The following AHDC1 variants were observed in gnomAD, a reference collection of about 807,000 sequenced individuals.
The protein encoded by AHDC1 is transcription factor Gibbin.
In AHDC1, 7 loss-of-function variants were observed where a neutral mutation model predicts 87.9. That is an observed-to-expected ratio of 0.08 (90% CI 0.05 to 0.15). AHDC1 has a LOEUF of 0.15. Ranked by LOEUF, AHDC1 falls within the 10% of genes least tolerant of loss-of-function variation. The pLI, the probability that AHDC1 is intolerant of heterozygous loss-of-function variation, is 1.00. For missense variants in AHDC1, 1,841 were observed against 2,253.2 expected (o/e 0.82, Z 3.70); for synonymous variants, 1,051 against 1,006.8 (o/e 1.04, Z -0.83).
At chr1:27,601,900 C>T (rs990508804) in intron 3 of AHDC1, among the ~76,000 whole-genome samples, 1 of 152,220 alleles carries the variant, frequency 6.6e-6, no homozygotes, top group Non-Finnish European at 1.5e-5. Context: ...TGTGGCCACC[C>T]TGACCCGGAG....
chr1:27,573,422 TAC>T (rs760037348), intron 3 of AHDC1, among the ~76,000 whole-genome samples: 3 of 151,916 alleles, frequency 2.0e-5, no homozygotes, highest in Non-Finnish European at 2.9e-5. Context: ...GGGAGTAGGG[TAC>T]AGTTAGCCCA....
intron 8 of AHDC1, among the ~76,000 whole-genome samples, chr1:27,544,575 T>C (rs1191422948): frequency 6.6e-6 from 1 of 152,204 alleles, no homozygotes; most frequent in African/African-American, 2.4e-5. Context: ...AGCGTGTCCT[T>C]GTCCTCTCTG....
chr1:27,551,807 G>A lies in AHDC1; in HGVS notation c.309C>T (p.Asp103=), dbSNP rs2019582346. The A allele has an allele frequency of 1.2e-6, 2 of 1,612,524 alleles. No homozygotes were observed. The highest frequency in any genetic ancestry group is 8.5e-7 in the Non-Finnish European group (1 of 1,179,884). ...CCCAGCAGCGTCGGGAGCTGCTGCC[G>A]TCTCCGACCGGTGTGGGGCAGCGGG... ...SQARCPTPVG[D]GSSSRRCWDN... Residue 103 remains aspartate, a synonymous_variant, in exon 8 of 9, where the codon GAC becomes GAT. Transcript: ENST00000673934.
chr1:27,567,390 C>T (rs533868175), intron 3 of AHDC1, among the ~76,000 whole-genome samples: 11 of 150,952 alleles, frequency 7.3e-5, no homozygotes, highest in South Asian at 4.2e-4. Context: ...GTCGGGGGGC[C>T]GGGAGGGGGG....
chr1:27,542,493 G>C (rs1168568174), intron 8 of AHDC1, among the ~76,000 whole-genome samples: 3 of 152,252 alleles, frequency 2.0e-5, no homozygotes, highest in Non-Finnish European at 4.4e-5. Context: ...AGGCCCCGGA[G>C]TTCAGCCTCT....
chr1:27,579,670 T>A (rs1299480177), intron 3 of AHDC1, among the ~76,000 whole-genome samples: 2 of 152,190 alleles, frequency 1.3e-5, no homozygotes, highest in African/African-American at 4.8e-5. Context: ...CAAACTATGG[T>A]CCATGGCCTG....
At chr1:27,568,873 G>A (rs1175544585) in intron 3 of AHDC1, among the ~76,000 whole-genome samples, 1 of 151,986 alleles carries the variant, frequency 6.6e-6, no homozygotes, top group Non-Finnish European at 1.5e-5. Flanking sequence ...CGTACAAAAG[G>A]CGACTTGTTC....
chr1:27,587,817 G>A (rs1047957496), intron 3 of AHDC1, among the ~76,000 whole-genome samples: 1 of 152,126 alleles, frequency 6.6e-6, no homozygotes, highest in African/African-American at 2.4e-5. Context: ...CTTGCACGAC[G>A]AACCTTGCTC....
At chr1:27,592,588 C>T (rs1246756814) in intron 3 of AHDC1, among the ~76,000 whole-genome samples, 3 of 151,840 alleles carry the variant, frequency 2.0e-5, no homozygotes, top group South Asian at 2.1e-4. Flanking sequence ...CCCCCCAGGC[C>T]CTGCTCTTAG....
chr1:27,549,634 G>C lies in AHDC1; in HGVS notation c.2482C>G (p.Leu828Val). 6.2e-7 allele frequency: 1 copy of C among 1,613,142 alleles called. No individual in the cohort carries two copies. The highest frequency in any genetic ancestry group is 8.5e-7 in the Non-Finnish European group (1 of 1,180,012). Residue 828 changes from leucine (L) to valine (V), a missense_variant, in exon 8 of 9, where the codon CTC becomes GTC. By Grantham distance (32) the Leu-to-Val change is conservative. Around this residue, in one of 13 missense-constraint regions of AHDC1, gnomAD observed 236 missense variants for 257.9 expected, o/e 0.92. Coordinates refer to ENST00000673934, the MANE Select transcript of AHDC1 (RefSeq NM_001371928.1). Reference protein sequence around the residue: ...STGAPSGQTELSQERQNLFTG... With the variant: ...STGAPSGQTEVSQERQNLFTG... Reference sequence around the variant, plus strand: ...AAGAGGTTTTGGCGCTCCTGGCTGAGCTCGGTCTGGCCTGAGGGTGCACCC... The same window carrying C: ...AAGAGGTTTTGGCGCTCCTGGCTGACCTCGGTCTGGCCTGAGGGTGCACCC...
intron 8 of AHDC1, among the ~76,000 whole-genome samples, chr1:27,546,508 C>T (rs2019174048): frequency 1.3e-5 from 2 of 152,244 alleles, no homozygotes; most frequent in South Asian, 4.1e-4. Context: ...ATACCTTTGC[C>T]TGAAGATAGC....
intron 3 of AHDC1, among the ~76,000 whole-genome samples, chr1:27,582,526 C>G (rs1240669672): frequency 1.3e-5 from 2 of 152,246 alleles, no homozygotes; most frequent in Non-Finnish European, 2.9e-5. Context: ...GTACATATCA[C>G]CATCTAACGA....
At chr1:27,599,371 CCTCT>C (rs1322120394) in intron 3 of AHDC1, among the ~76,000 whole-genome samples, 1 of 152,128 alleles carries the variant, frequency 6.6e-6, no homozygotes, top group Non-Finnish European at 1.5e-5. Context: ...CGCCTCCCTC[CCTCT>C]CTCTCCCGGC....
At position 27,560,304 on chromosome 1, in the gene AHDC1, C is replaced by G. The variant is rs1394982600; in HGVS notation, c.-628-1421G>C. On this transcript the variant is annotated intron_variant, in intron 3 of 8. Transcript: ENST00000673934. The surrounding 1 kb of genome is among the most constrained non-coding windows in gnomAD (Gnocchi z 4.1). ...TGTAGCCAGGTGAGCCCAGCTGTGG[C>G]TGGGTGTGAGCATGCCTGGGTGTGC... 6.6e-6 allele frequency among the ~76,000 whole-genome samples: 1 copy of G among 151,796 alleles called. No homozygotes were observed. Among genetic ancestry groups the G allele is most frequent in the East Asian group, 1.9e-4 (1 of 5,164 alleles).
intron 8 of AHDC1, among the ~76,000 whole-genome samples, chr1:27,537,794 C>T (rs1281927597): frequency 6.6e-6 from 1 of 152,176 alleles, no homozygotes; most frequent in East Asian, 1.9e-4. Context: ...CCGGTGGTTT[C>T]ACCATCTGAG....
chr1:27,564,049 A>C (rs557969159), intron 3 of AHDC1, among the ~76,000 whole-genome samples: 1 of 152,238 alleles, frequency 6.6e-6, no homozygotes, highest in South Asian at 2.1e-4. Context: ...TGAGACCCCC[A>C]TAGCTTCCAG....
chr1:27,584,539 A>C (rs1037325959), intron 3 of AHDC1, among the ~76,000 whole-genome samples: 2 of 152,148 alleles, frequency 1.3e-5, no homozygotes, highest in African/African-American at 4.8e-5. Context: ...GTTTTATCCC[A>C]CTGTTGAGAA....
At chr1:27,585,667 G>T (rs1243389778) in intron 3 of AHDC1, among the ~76,000 whole-genome samples, 1 of 152,130 alleles carries the variant, frequency 6.6e-6, no homozygotes, top group Non-Finnish European at 1.5e-5. Context: ...GAAGCCCCTT[G>T]TGGCAGGGAC....
chr1:27,573,207 A>G (rs1023813770), intron 3 of AHDC1, among the ~76,000 whole-genome samples: 1 of 152,182 alleles, frequency 6.6e-6, no homozygotes, highest in African/African-American at 2.4e-5. Flanking sequence ...CCTAGGACAC[A>G]TCAGTCAACA....
Sources: allele counts gnomAD v4.1 joint callset (sites outside exome capture counted in the v4.1 genomes callset), GRCh38; gene constraint gnomAD v4.1.1; regional missense constraint gnomAD v4.1.1; non-coding constraint Gnocchi (gnomAD v3.1); transcripts MANE v1.5; gene names NCBI Gene and HGNC (gene_info 2026-07-23, HGNC 2026-07-21).